The following ANTXR1 variants were observed in gnomAD, a reference collection of about 807,000 sequenced individuals.
ANTXR1 encodes ANTXR cell adhesion molecule 1.
A neutral mutation model predicts 78.1 loss-of-function variants in ANTXR1; 19 were observed. The ratio of observed to expected loss-of-function variants is 0.24; its 90% CI spans 0.17 to 0.36. The LOEUF (loss-of-function observed/expected upper bound fraction) is 0.36, where lower values mean the gene tolerates loss of function less well. ANTXR1 is among the 10% of genes least tolerant of loss of function. ANTXR1 has a pLI of 1.00. For missense variants in ANTXR1, 518 were observed against 718.6 expected (o/e 0.72, Z 3.19); for synonymous variants, 273 against 260.5 (o/e 1.05, Z -0.46).
At chr2:69,154,956 T>G (rs1673485997) in intron 13 of ANTXR1, among the ~76,000 whole-genome samples, 1 of 152,160 alleles carries the variant, frequency 6.6e-6, no homozygotes, top group African/African-American at 2.4e-5. Context: ...CAGTTTTAGA[T>G]GTACTGGCCA....
intron 2 of ANTXR1, among the ~76,000 whole-genome samples, chr2:69,042,462 T>G (rs1018971875): frequency 1.3e-5 from 2 of 152,182 alleles, no homozygotes; most frequent in Non-Finnish European, 2.9e-5. Flanking sequence ...TAGTCTGACT[T>G]TATCCCATTG....
intron 17 of ANTXR1, among the ~76,000 whole-genome samples, chr2:69,242,153 A>C (rs1338514757): frequency 1.3e-5 from 2 of 152,088 alleles, no homozygotes; most frequent in African/African-American, 2.4e-5. Flanking sequence ...CAGAGGAAGG[A>C]GGACTCTTTG....
chr2:69,166,827 T>C (rs567461303), intron 13 of ANTXR1, among the ~76,000 whole-genome samples: 4 of 152,370 alleles, frequency 2.6e-5, no homozygotes, highest in Non-Finnish European at 4.4e-5. Flanking sequence ...GCTTGCATTC[T>C]AGTTGGAAAC....
At chr2:69,211,731 A>G (rs11684554) in intron 17 of ANTXR1, among the ~76,000 whole-genome samples, 60,677 of 152,128 alleles carry the variant, frequency 0.4, 12,669 homozygotes, top group East Asian at 0.78. Flanking sequence ...TGGGACTAAC[A>G]GTCTGTGAAA....
At chr2:69,240,059 T>C (rs1297057627) in intron 17 of ANTXR1, among the ~76,000 whole-genome samples, 5 of 152,226 alleles carry the variant, frequency 3.3e-5, no homozygotes, top group African/African-American at 4.8e-5. Context: ...CTAGGAGATG[T>C]CCAAGGAGAC....
intron 3 of ANTXR1, among the ~76,000 whole-genome samples, chr2:69,059,444 A>G (rs1455437950): frequency 6.6e-6 from 1 of 152,074 alleles, no homozygotes; most frequent in African/African-American, 2.4e-5. Flanking sequence ...ATCATTAGCA[A>G]TCTTTAGCAA....
Position 69,182,490 on chromosome 2 carries a change from T to C in ANTXR1, c.1186-3T>C, listed in dbSNP as rs1330714117. 1 of 1,614,180 alleles carries C rather than the reference T, an allele frequency of 6.2e-7. No individual in the cohort carries two copies. The highest frequency in any genetic ancestry group is 8.5e-7 in the Non-Finnish European group (1 of 1,180,032). ...TCATTTCATTGTATTTTGTTTATTT[T>C]AGGTTCGTTGGGGAGAAAAGGGCTC... On this transcript the variant is annotated splice_region_variant and splice_polypyrimidine_tract_variant and intron_variant, in intron 15 of 17. Coordinates refer to ENST00000303714, the MANE Select transcript of ANTXR1 (RefSeq NM_032208.3).
intron 8 of ANTXR1, among the ~76,000 whole-genome samples, chr2:69,088,772 AC>A (rs1467027982): frequency 6.6e-6 from 1 of 152,238 alleles, no homozygotes; most frequent in African/African-American, 2.4e-5. Context: ...ACCATAAGGC[AC>A]TGGGGAAGCC....
intron 17 of ANTXR1, among the ~76,000 whole-genome samples, chr2:69,204,336 A>G (rs1203352022): frequency 6.6e-6 from 1 of 152,056 alleles, no homozygotes; most frequent in African/African-American, 2.4e-5. Context: ...ACACACACCC[A>G]TCTTCGTTCA....
chr2:69,169,414 C>G (rs962910558), intron 13 of ANTXR1, among the ~76,000 whole-genome samples: 7 of 152,226 alleles, frequency 4.6e-5, no homozygotes, highest in African/African-American at 1.7e-4. Context: ...GTAAGAGACT[C>G]TAAATCCATT....
chr2:69,098,005 T>TGA (rs764432681), intron 9 of ANTXR1, among the ~76,000 whole-genome samples: 6 of 152,368 alleles, frequency 3.9e-5, no homozygotes, highest in Non-Finnish European at 7.4e-5. Flanking sequence ...ACTTACTGCA[T>TGA]GATCCTATTT....
At chr2:69,228,304 G>C (rs889631522) in intron 17 of ANTXR1, among the ~76,000 whole-genome samples, 1 of 152,222 alleles carries the variant, frequency 6.6e-6, no homozygotes, top group Non-Finnish European at 1.5e-5. Flanking sequence ...AGCTGGAACA[G>C]AACAACGGAG....
At position 69,087,016 on chromosome 2, in the gene ANTXR1, A is replaced by G. The variant is rs75316132; in HGVS notation, c.643-3843A>G. Reference sequence around the variant, plus strand: ...TTCCAAACAAAATATCTCTGCGTTCATGACTGTTATTTTATTTAACCATCA... The same window carrying G: ...TTCCAAACAAAATATCTCTGCGTTCGTGACTGTTATTTTATTTAACCATCA... On this transcript the variant is annotated intron_variant, in intron 8 of 17. Transcript: ENST00000303714. Among the ~76,000 whole-genome samples the G allele has an allele frequency of 4.2e-3, 644 of 152,276 alleles. 3 individuals are homozygous for G. The highest frequency in any genetic ancestry group is 0.014 in the African/African-American group (590 of 41,552).
chr2:69,200,330 G>T (rs896546041), intron 17 of ANTXR1, among the ~76,000 whole-genome samples: 1 of 152,234 alleles, frequency 6.6e-6, no homozygotes, highest in African/African-American at 2.4e-5. Flanking sequence ...AAGCCTCAGA[G>T]GTTGTGAAAT....
At chr2:69,238,994 A>G (rs950274509) in intron 17 of ANTXR1, among the ~76,000 whole-genome samples, 2 of 152,120 alleles carry the variant, frequency 1.3e-5, no homozygotes, top group Admixed American at 6.6e-5. Context: ...TTTGCACACA[A>G]TCGGCCCACA....
rs565451083 is a variant in ANTXR1 at position 69,100,555 on chromosome 2, T to C, written c.704-2287T>C. Among the ~76,000 whole-genome samples the C allele has an allele frequency of 7.2e-5, 11 of 152,346 alleles. 1 individual carries two copies. In the South Asian group the frequency reaches 2.3e-3, roughly 32 times the overall value. ...GAGGATTTAGCAACTCAACTGGTAATGTTAGAACATGGTGTTAGAGAATAG... is the reference window on the plus strand; with the variant it reads ...GAGGATTTAGCAACTCAACTGGTAACGTTAGAACATGGTGTTAGAGAATAG... On this transcript the variant is annotated intron_variant, in intron 9 of 17. Coordinates refer to ENST00000303714, the MANE Select transcript of ANTXR1 (RefSeq NM_032208.3).
intron 1 of ANTXR1, among the ~76,000 whole-genome samples, chr2:69,026,108 A>G (rs1362941167): frequency 6.6e-6 from 1 of 152,228 alleles, no homozygotes; most frequent in African/African-American, 2.4e-5. Context: ...TCACTATCTT[A>G]GCACCTAACA....
intron 10 of ANTXR1, among the ~76,000 whole-genome samples, chr2:69,109,283 T>A (rs1238562529): frequency 6.6e-6 from 1 of 152,200 alleles, no homozygotes; most frequent in East Asian, 1.9e-4. Flanking sequence ...AGTAACTGAG[T>A]ATTGTAAAGA....
chr2:69,187,364 A>G (rs10189815), intron 16 of ANTXR1, among the ~76,000 whole-genome samples: 69,689 of 151,646 alleles, frequency 0.46, 16,478 homozygotes, highest in East Asian at 0.7. Flanking sequence ...GGAGCTGACC[A>G]TTTCAGACAA....
Sources: gnomAD v4.1 joint callset for allele counts (sites outside exome capture counted in the v4.1 genomes callset) on GRCh38, gnomAD v4.1.1 for gene constraint, MANE v1.5 for transcripts, NCBI Gene and HGNC (gene_info 2026-07-23, HGNC 2026-07-21) for gene names.